Variants in TNRC6C observed in about 807,000 individuals in gnomAD.
TNRC6C encodes trinucleotide repeat-containing gene 6C protein.
In TNRC6C, 20 loss-of-function variants were observed where a neutral mutation model predicts 153.7. The observed-to-expected ratio is 0.13, with a 90% CI of 0.09 to 0.19. The LOEUF (loss-of-function observed/expected upper bound fraction) is 0.19, where lower values mean the gene tolerates loss of function less well. Among genes scored for constraint, TNRC6C ranks in the 10% least tolerant of loss-of-function variants. The pLI, the probability that TNRC6C is intolerant of heterozygous loss-of-function variation, is 1.00. For missense variants in TNRC6C, 1,987 were observed against 2,172.0 expected (o/e 0.91, Z 1.69); for synonymous variants, 811 against 841.4 (o/e 0.96, Z 0.63).
chr17:78,044,533 G>GAAAGA (rs1342345078), intron 2 of TNRC6C, among the ~76,000 whole-genome samples: 1 of 152,220 alleles, frequency 6.6e-6, no homozygotes, highest in East Asian at 1.9e-4. Flanking sequence ...CTCCATGAGA[G>GAAAGA]AAAGAAGTCG....
intron 1 of TNRC6C, among the ~76,000 whole-genome samples, chr17:77,984,135 A>G (rs1167728032): frequency 1.3e-5 from 2 of 152,162 alleles, no homozygotes; most frequent in Non-Finnish European, 2.9e-5. Flanking sequence ...GGAGATGGGC[A>G]CTGTAGACAT....
chr17:78,060,467 T>G (rs1567944764), intron 3 of TNRC6C, among the ~76,000 whole-genome samples: 1 of 146,964 alleles, frequency 6.8e-6, no homozygotes. Flanking sequence ...TAATCGTTTA[T>G]CTTTTTTTTT....
exon 4 of TNRC6C, chr17:78,064,873 A>C (rs61730171): frequency 0.12 from 199,174 of 1,611,782 alleles, 13,226 homozygotes; most frequent in South Asian, 0.2. Flanking sequence ...ATCACCCTGC[A>C]GAGCCGCCGG....
chr17:78,073,335 C>G (rs76501278), intron 7 of TNRC6C, among the ~76,000 whole-genome samples: 4,070 of 152,238 alleles, frequency 0.027, 186 homozygotes, highest in African/African-American at 0.094. Flanking sequence ...TCATATTTTC[C>G]CGTTATGTTT....
intron 3 of TNRC6C, among the ~76,000 whole-genome samples, chr17:78,058,968 T>A (rs1333125995): frequency 6.6e-6 from 1 of 152,248 alleles, no homozygotes; most frequent in Non-Finnish European, 1.5e-5. Flanking sequence ...TATCTCCAAT[T>A]CACTAAACTA....
At chr17:78,054,556 G>A (rs1470972529) in intron 3 of TNRC6C, among the ~76,000 whole-genome samples, 2 of 148,984 alleles carry the variant, frequency 1.3e-5, no homozygotes, top group African/African-American at 5.0e-5. Context: ...ACATCACTGT[G>A]GACTACTGCG....
intron 2 of TNRC6C, among the ~76,000 whole-genome samples, chr17:78,034,757 T>G (rs941756533): frequency 2.6e-5 from 4 of 152,086 alleles, no homozygotes; most frequent in Non-Finnish European, 5.9e-5. Flanking sequence ...TTGCTTGAGC[T>G]CAGGAGTTCG....
chr17:78,084,305 A>G (rs1159559175), intron 11 of TNRC6C, among the ~76,000 whole-genome samples: 1 of 149,196 alleles, frequency 6.7e-6, no homozygotes, highest in Non-Finnish European at 1.5e-5. Context: ...GAAAATCATG[A>G]CCAGGAATCA....
At chr17:78,025,304 C>T (rs1002504110) in intron 1 of TNRC6C, among the ~76,000 whole-genome samples, 3 of 152,176 alleles carry the variant, frequency 2.0e-5, no homozygotes, top group Admixed American at 1.3e-4. Context: ...CAAAATGTCA[C>T]GTAGTTGGAA....
chr17:78,084,712 T>A (rs2073248340), intron 11 of TNRC6C, among the ~76,000 whole-genome samples: 1 of 150,296 alleles, frequency 6.7e-6, no homozygotes, highest in Admixed American at 6.7e-5. Flanking sequence ...CACTGCAGCC[T>A]CTGCCTTGTG....
chr17:78,035,886 A>G lies in TNRC6C; in HGVS notation c.-219+4044A>G, dbSNP rs140006046. 2.0e-5 allele frequency among the ~76,000 whole-genome samples: 3 copies of G among 152,300 alleles called. No homozygotes were observed. The East Asian group carries it at 5.8e-4, about 29-fold the overall frequency. On this transcript the variant is annotated intron_variant, in intron 2 of 19. Coordinates refer to ENST00000301624, the Ensembl canonical transcript of TNRC6C. ...CAGTTTGAAATAAAAGCTCTTATCA[A>G]CTTTCTTAAAAGTAATACATAGATT...
chr17:78,064,977 G>C (rs973296117), intron 4 of TNRC6C, 40 bp downstream of exon 6: 21 of 1,554,932 alleles, frequency 1.4e-5, no homozygotes, highest in Non-Finnish European at 1.8e-5. Flanking sequence ...TGGCAATTTG[G>C]AAATGACTCA....
At chr17:77,984,171 T>G (rs1251048886) in intron 1 of TNRC6C, among the ~76,000 whole-genome samples, 1 of 152,078 alleles carries the variant, frequency 6.6e-6, no homozygotes, top group African/African-American at 2.4e-5. Flanking sequence ...TGGCTTCACT[T>G]TAGGCTTTGC....
intron 5 of TNRC6C, among the ~76,000 whole-genome samples, chr17:78,069,059 T>C (rs992108010): frequency 3.3e-5 from 5 of 152,164 alleles, no homozygotes; most frequent in Admixed American, 2.6e-4. Flanking sequence ...ATAAAATTTT[T>C]TTGTGTCAAT....
At chr17:77,980,392 A>G (rs1014761898) in intron 1 of TNRC6C, among the ~76,000 whole-genome samples, 1 of 152,232 alleles carries the variant, frequency 6.6e-6, no homozygotes, top group African/African-American at 2.4e-5. Flanking sequence ...AACAGTGATC[A>G]TCACAGAGGA....
chr17:78,084,300 T>A (rs1244963059), intron 11 of TNRC6C, among the ~76,000 whole-genome samples: 61 of 64,738 alleles, frequency 9.4e-4, no homozygotes, highest in African/African-American at 9.8e-4. Context: ...AAAAAGAAAA[T>A]CATGACCAGG....
intron 6 of TNRC6C, among the ~76,000 whole-genome samples, chr17:78,071,892 G>A (rs372425874): frequency 1.2e-4 from 18 of 152,168 alleles, no homozygotes; most frequent in African/African-American, 3.1e-4. Context: ...CCAGTCATAC[G>A]TAGGGAGAAT....
At chr17:78,108,636 G>A (rs1257394688) in exon 20 of TNRC6C, 4 of 154,916 alleles carry the variant, frequency 2.6e-5, no homozygotes, top group African/African-American at 9.6e-5. Context: ...TCGGGGGACA[G>A]GAGGGCAGCA....
intron 19 of TNRC6C, 55 bp downstream of exon 22, chr17:78,103,608 C>A (rs1025900499): frequency 1.9e-6 from 3 of 1,608,900 alleles, no homozygotes; most frequent in Non-Finnish European, 2.5e-6. Flanking sequence ...TCCCCCAGAG[C>A]ATTAGGTTAG....
Sources: allele counts gnomAD v4.1 joint callset (sites outside exome capture counted in the v4.1 genomes callset), GRCh38; gene constraint gnomAD v4.1.1; transcripts MANE v1.5; gene names NCBI Gene and HGNC (gene_info 2026-07-23, HGNC 2026-07-21).